JMY: variants seen among roughly 807,000 people sequenced by gnomAD.
JMY encodes the protein junction-mediating and -regulatory protein.
Under a neutral mutation model 103.3 loss-of-function variants are expected in JMY, and 46 were observed. The ratio of observed to expected loss-of-function variants is 0.45; its 90% CI spans 0.35 to 0.57. The LOEUF (loss-of-function observed/expected upper bound fraction) is 0.57. JMY is among the 20% of genes least tolerant of loss of function. The pLI is 0.00. For synonymous variants in JMY, 526 were observed against 489.3 expected, an observed-to-expected ratio of 1.07 and a Z score of -0.99; for missense variants, 1,238 against 1,255.2, an observed-to-expected ratio of 0.99 and a Z score of 0.21.
intron 1 of JMY, among the ~76,000 whole-genome samples, chr5:79,258,153 A>G (rs2112061675): frequency 6.6e-6 from 1 of 152,242 alleles, no homozygotes. Context: ...AACACAGTCA[A>G]ATTTACTGAA....
intron 4 of JMY, among the ~76,000 whole-genome samples, chr5:79,294,783 A>C (rs758204722): frequency 6.6e-6 from 1 of 151,660 alleles, no homozygotes; most frequent in Non-Finnish European, 1.5e-5. Context: ...GCTTGAACTC[A>C]GGAGGCACAG....
In JMY at chr5:79,236,408, C is replaced by CAGGTGACCATGT. The variant is rs1744493554; in HGVS notation, c.-242_-231dup. On this transcript the variant is annotated 5_prime_UTR_variant, in exon 1 of 11. In the 5' UTR this introduces an upstream ATG that the reference lacks. Coordinates refer to ENST00000396137, the MANE Select transcript of JMY (RefSeq NM_152405.5). ...CGGAGCTTGTAAACAGATCCGGCCG[C>CAGGTGACCATGT]AGGTGACCATGTGAACTACCTGCTC... 2.8e-6 allele frequency: 1 copy of CAGGTGACCATGT among 355,396 alleles called. No individual in the cohort carries two copies. The highest frequency in any genetic ancestry group is 5.0e-6 in the Non-Finnish European group (1 of 199,028). The allele number at this position is 355,396 out of a possible 1,614,324, so 22.0% of individuals were successfully genotyped here.
chr5:79,260,261 G>A (rs1561293435), intron 1 of JMY, among the ~76,000 whole-genome samples: 1 of 152,198 alleles, frequency 6.6e-6, no homozygotes, highest in Non-Finnish European at 1.5e-5. Context: ...AGTGGTTCCT[G>A]CCTGGCCCTG....
intron 1 of JMY, among the ~76,000 whole-genome samples, chr5:79,244,575 T>C (rs1171902039): frequency 6.6e-6 from 1 of 152,166 alleles, no homozygotes; most frequent in Non-Finnish European, 1.5e-5. Flanking sequence ...TTTCATTAAC[T>C]GTAAAATATT....
chr5:79,270,031 C>CT (rs1020483686), intron 1 of JMY, among the ~76,000 whole-genome samples: 2 of 152,010 alleles, frequency 1.3e-5, no homozygotes, highest in African/African-American at 4.8e-5. Flanking sequence ...TGCACCTGGC[C>CT]TGGAGGAGTG....
intron 8 of JMY, among the ~76,000 whole-genome samples, 170 bp from the exon 9 acceptor site, chr5:79,314,087 G>A (rs544923351): frequency 2.6e-4 from 39 of 152,324 alleles, no homozygotes; most frequent in African/African-American, 9.1e-4. Context: ...TCAAACTCCT[G>A]ATCTCAGGTG....
At chr5:79,266,653 T>C (rs1195607558) in intron 1 of JMY, among the ~76,000 whole-genome samples, 1 of 152,222 alleles carries the variant, frequency 6.6e-6, no homozygotes, top group Non-Finnish European at 1.5e-5. Flanking sequence ...ATAATTTTCC[T>C]ACTATACTGT....
In JMY at chr5:79,317,891, C is replaced by T. The variant is rs139927847; in HGVS notation, c.*3+1581C>T. 1.4e-3 allele frequency among the ~76,000 whole-genome samples: 218 copies of T among 152,086 alleles called. 3 individuals carry two copies. In the East Asian group the frequency reaches 0.035, roughly 24 times the overall value. On this transcript the variant is annotated intron_variant, in intron 10 of 10. Coordinates refer to ENST00000396137, the MANE Select transcript of JMY (RefSeq NM_152405.5). Reference sequence around the variant, plus strand: ...AGAGACAGGGTCTCCTTATGGTTGCCCCGATTAGCATAATAATTCTTAAAA... The same window carrying T: ...AGAGACAGGGTCTCCTTATGGTTGCTCCGATTAGCATAATAATTCTTAAAA...
At chr5:79,299,426 T>G (rs1227919576) in intron 4 of JMY, among the ~76,000 whole-genome samples, 6 of 152,056 alleles carry the variant, frequency 3.9e-5, no homozygotes, top group Non-Finnish European at 7.4e-5. Flanking sequence ...CACTTTCCCC[T>G]TGGTGGTTTC....
Position 79,275,051 on chromosome 5 carries a change from T to C in JMY, c.1033-2859T>C, listed in dbSNP as rs537583494. Among the ~76,000 whole-genome samples the C allele has an allele frequency of 2.0e-5, 3 of 152,278 alleles. No homozygotes were observed. The South Asian group carries it at 6.2e-4, about 32-fold the overall frequency. ...TGGACTTTCTTCTTCTTAGGCTGTC[T>C]CCCTTTCATCACTGTTCTCTGGCTT... is the stretch of plus-strand genomic sequence containing the variant. On this transcript the variant is annotated intron_variant, in intron 1 of 10. Coordinates refer to ENST00000396137, the MANE Select transcript of JMY (RefSeq NM_152405.5).
At chr5:79,300,427 G>T in intron 5 of JMY, 109 bp downstream of exon 5, 1 of 1,138,232 alleles carries the variant, frequency 8.8e-7, no homozygotes, top group Admixed American at 2.8e-5. Context: ...ATTGTTTTCT[G>T]TAGGGATAGA....
At chr5:79,264,136 A>C (rs984659245) in intron 1 of JMY, among the ~76,000 whole-genome samples, 1 of 151,516 alleles carries the variant, frequency 6.6e-6, no homozygotes, top group African/African-American at 2.4e-5. Context: ...CCCAGGGTAG[A>C]GTACAGTGAT....
rs576916266 is a variant in JMY, at chr5:79,242,607, G to A, written c.1032+4925G>A. Reference sequence around the variant, plus strand: ...CTAAACAGCTGAGTAACCAAGCTCCGATGAAAGCCTAGATTTGTCTTAATC... The same window carrying A: ...CTAAACAGCTGAGTAACCAAGCTCCAATGAAAGCCTAGATTTGTCTTAATC... On this transcript the variant is annotated intron_variant, in intron 1 of 10. Coordinates refer to ENST00000396137, the MANE Select transcript of JMY (RefSeq NM_152405.5). Among the ~76,000 whole-genome samples the A allele has an allele frequency of 5.3e-5, 8 of 152,262 alleles. No homozygotes were observed. The East Asian group carries it at 1.2e-3, about 22-fold the overall frequency.
chr5:79,250,291 G>A (rs1055808273), intron 1 of JMY, among the ~76,000 whole-genome samples: 2 of 152,190 alleles, frequency 1.3e-5, no homozygotes, highest in African/African-American at 4.8e-5. Flanking sequence ...CTCCTAGTAC[G>A]TGCTTTCCCA....
chr5:79,289,992 G>T (rs1746375646), intron 2 of JMY, 129 bp from the exon 3 acceptor site: 1 of 651,240 alleles, frequency 1.5e-6, no homozygotes, highest in Non-Finnish European at 2.5e-6. Flanking sequence ...CACTTGTTTT[G>T]TAAACTAATA....
intron 2 of JMY, among the ~76,000 whole-genome samples, chr5:79,286,763 A>T (rs1192182922): frequency 6.6e-6 from 1 of 152,200 alleles, no homozygotes; most frequent in South Asian, 2.1e-4. Flanking sequence ...ACACTATTAA[A>T]TTTCTGTTCC....
At chr5:79,240,462 A>C (rs1299662011) in intron 1 of JMY, among the ~76,000 whole-genome samples, 2 of 151,836 alleles carry the variant, frequency 1.3e-5, no homozygotes, top group Non-Finnish European at 2.9e-5. Context: ...AGTCGCCGCT[A>C]CCATGCCTGG....
rs763776390 is a variant in JMY, at chr5:79,300,763, TACA to T, written c.1782_1784del (p.Gln595del). On this transcript the variant is annotated inframe_deletion, in exon 6 of 11. Coordinates refer to ENST00000396137, the MANE Select transcript of JMY (RefSeq NM_152405.5). ...GAAGAGATGGCAGCATCTGCGTACTTACAGAGAGAAGAGCTGCAGAAACTTCAG... is the reference window on the plus strand; with the variant it reads ...GAAGAGATGGCAGCATCTGCGTACTTGAGAGAAGAGCTGCAGAAACTTCAG... 2 of 1,612,538 alleles carry T rather than the reference TACA, an allele frequency of 1.2e-6. No individual in the cohort carries two copies. The highest frequency in any genetic ancestry group is 1.7e-6 in the Non-Finnish European group (2 of 1,179,460).
chr5:79,308,923 T>C (rs987748427), intron 7 of JMY, among the ~76,000 whole-genome samples: 2 of 152,158 alleles, frequency 1.3e-5, no homozygotes, highest in African/African-American at 2.4e-5. Flanking sequence ...CTAAGATACC[T>C]AAGTCTTTCT....
Sources: gnomAD v4.1 joint callset for allele counts (sites outside exome capture counted in the v4.1 genomes callset) on GRCh38, gnomAD v4.1.1 for gene constraint, MANE v1.5 for transcripts, NCBI Gene and HGNC (gene_info 2026-07-23, HGNC 2026-07-21) for gene names.